Variants in CACNA2D3 observed in about 807,000 individuals in gnomAD.
CACNA2D3 encodes the protein voltage-dependent calcium channel subunit alpha-2/delta-3.
CACNA2D3 carries 60 observed loss-of-function variants against 160.6 expected under a neutral mutation model. That is an observed-to-expected ratio of 0.37 (90% CI 0.30 to 0.46). The LOEUF (loss-of-function observed/expected upper bound fraction) is 0.46. CACNA2D3 is among the 20% of genes least tolerant of loss of function. The probability of loss-of-function intolerance (pLI) is 1.00; values close to 1 mark genes in which losing one functional copy is unlikely to be tolerated. For synonymous variants in CACNA2D3, 558 were observed against 492.9 expected, an observed-to-expected ratio of 1.13 and a Z score of -1.75; for missense variants, 1,205 against 1,365.0, an observed-to-expected ratio of 0.88 and a Z score of 1.85.
intron 11 of CACNA2D3, among the ~76,000 whole-genome samples, chr3:54,668,392 C>T (rs896121023): frequency 6.6e-6 from 1 of 152,130 alleles, no homozygotes; most frequent in Non-Finnish European, 1.5e-5. Flanking sequence ...GATGATGGGT[C>T]TAATACTCTA....
intron 2 of CACNA2D3, among the ~76,000 whole-genome samples, chr3:54,262,079 A>C (rs1702411092): frequency 6.6e-6 from 1 of 152,132 alleles, no homozygotes; most frequent in Non-Finnish European, 1.5e-5. Context: ...CTCTCTAAGG[A>C]ATTCTTCCAT....
intron 4 of CACNA2D3, among the ~76,000 whole-genome samples, chr3:54,441,272 A>G (rs562993900): frequency 6.6e-5 from 10 of 152,284 alleles, no homozygotes; most frequent in East Asian, 5.8e-4. Flanking sequence ...TCTTTTGGCT[A>G]CATAAATGTC....
At chr3:54,289,073 A>T (rs1703113280) in intron 2 of CACNA2D3, among the ~76,000 whole-genome samples, 1 of 152,152 alleles carries the variant, frequency 6.6e-6, no homozygotes, top group South Asian at 2.1e-4. Context: ...TGGCCAGGAG[A>T]AGGAAATAAA....
chr3:54,928,322 A>G (rs1395874892), intron 27 of CACNA2D3, among the ~76,000 whole-genome samples: 2 of 152,170 alleles, frequency 1.3e-5, no homozygotes, highest in South Asian at 2.1e-4. Flanking sequence ...CTTGAAGTAC[A>G]GGGCACCAAA....
intron 5 of CACNA2D3, among the ~76,000 whole-genome samples, chr3:54,544,469 T>C (rs1350053731): frequency 2.6e-5 from 4 of 152,038 alleles, no homozygotes; most frequent in African/African-American, 9.7e-5. Flanking sequence ...AGTGGCATGA[T>C]CATAGCTCAC....
At chr3:54,831,962 C>T (rs1198994731) in intron 14 of CACNA2D3, among the ~76,000 whole-genome samples, 1 of 149,994 alleles carries the variant, frequency 6.7e-6, no homozygotes, top group Non-Finnish European at 1.5e-5. Context: ...ACCCTCCCGC[C>T]CTTTCCCTCT....
chr3:54,880,209 C>T (rs554781418), intron 20 of CACNA2D3, among the ~76,000 whole-genome samples: 30 of 152,256 alleles, frequency 2.0e-4, no homozygotes, highest in African/African-American at 6.5e-4. Flanking sequence ...GTCTCTCTAA[C>T]GTAAGGGACT....
At position 54,635,704 on chromosome 3, in the gene CACNA2D3, C is replaced by G. The variant is rs534279390; in HGVS notation, c.1054-6424C>G. ...TTGGTGAGGTGTGTTTTTAAAAGAC[C>G]TTCAGTCCATTCTACCTTTCTTGAA... On this transcript the variant is annotated intron_variant, in intron 10 of 37. Coordinates refer to ENST00000474759, the MANE Select transcript of CACNA2D3 (RefSeq NM_018398.3). 5.4e-3 allele frequency among the ~76,000 whole-genome samples: 815 copies of G among 151,846 alleles called. 17 individuals are homozygous for G. Among genetic ancestry groups the G allele is most frequent in the African/African-American group, 0.019 (768 of 41,256 alleles).
intron 27 of CACNA2D3, among the ~76,000 whole-genome samples, chr3:54,965,796 A>G (rs747874033): frequency 8.5e-5 from 13 of 152,170 alleles, no homozygotes; most frequent in Admixed American, 3.9e-4. Context: ...TAGCAGAACA[A>G]TTGCAGCCAG....
chr3:54,686,050 G>A (rs531376568), intron 11 of CACNA2D3, among the ~76,000 whole-genome samples: 5 of 152,320 alleles, frequency 3.3e-5, no homozygotes, highest in South Asian at 2.1e-4. Flanking sequence ...GAATTGTCTC[G>A]ATTCTCATAG....
At chr3:54,900,674 A>T (rs898896696) in intron 27 of CACNA2D3, among the ~76,000 whole-genome samples, 1 of 152,024 alleles carries the variant, frequency 6.6e-6, no homozygotes, top group African/African-American at 2.4e-5. Flanking sequence ...TACTAAAGAG[A>T]GCGATTTTTG....
intron 4 of CACNA2D3, among the ~76,000 whole-genome samples, chr3:54,494,413 T>C (rs1701170895): frequency 6.6e-6 from 1 of 152,214 alleles, no homozygotes; most frequent in African/African-American, 2.4e-5. Flanking sequence ...GCTTAGGCTT[T>C]CATCCCTATT....
intron 11 of CACNA2D3, among the ~76,000 whole-genome samples, chr3:54,750,983 G>T (rs1420559430): frequency 1.3e-5 from 2 of 151,980 alleles, no homozygotes; most frequent in Non-Finnish European, 2.9e-5. Context: ...TGTTGGCCAG[G>T]ATGGTCTCGA....
At chr3:54,347,720 G>A (rs941116612) in intron 3 of CACNA2D3, among the ~76,000 whole-genome samples, 2 of 151,332 alleles carry the variant, frequency 1.3e-5, no homozygotes, top group Non-Finnish European at 2.9e-5. Flanking sequence ...GGGTCCAATT[G>A]CCAGGGACCC....
At position 54,879,369 on chromosome 3, in the gene CACNA2D3, C is replaced by T; in HGVS notation, c.1802C>T (p.Thr601Ile). 2 of 1,603,146 alleles carry T rather than the reference C, an allele frequency of 1.2e-6. No individual in the cohort carries two copies. Among genetic ancestry groups the T allele is most frequent in the Middle Eastern group, 1.7e-4 (1 of 5,972 alleles). Residue 601 changes from threonine (T) to isoleucine (I), a missense_variant, in exon 20 of 38, where the codon ACA (threonine) becomes ATA (isoleucine). Physicochemically the swap from Thr to Ile is moderately conservative, Grantham distance 89. Around this residue, in one of 3 missense-constraint regions of CACNA2D3, gnomAD observed 911 missense variants for 1,002.2 expected, o/e 0.91. Coordinates refer to ENST00000474759, the MANE Select transcript of CACNA2D3 (RefSeq NM_018398.3). Reference sequence around the variant, plus strand: ...ATCTAGAAACGGGTTTTGGTGATGACAAATGACTACTATTATACAGACATC... The same window carrying T: ...ATCTAGAAACGGGTTTTGGTGATGATAAATGACTACTATTATACAGACATC... ...VDKGKRVLVM[T>I]NDYYYTDIKG...
At chr3:54,964,948 T>G (rs960400407) in intron 27 of CACNA2D3, among the ~76,000 whole-genome samples, 1 of 152,140 alleles carries the variant, frequency 6.6e-6, no homozygotes, top group Admixed American at 6.6e-5. Flanking sequence ...GCCCTTTCCC[T>G]AGCACTTCCT....
chr3:54,683,962 C>CTTTTTTT (rs61481695), intron 11 of CACNA2D3, among the ~76,000 whole-genome samples: 2 of 110,828 alleles, frequency 1.8e-5, no homozygotes, highest in African/African-American at 4.3e-5. Context: ...AAATTTCCAC[C>CTTTTTTT]TTTTTTTTTT....
chr3:55,019,647 G>A (rs994350447), intron 35 of CACNA2D3, among the ~76,000 whole-genome samples: 6 of 152,036 alleles, frequency 3.9e-5, no homozygotes, highest in African/African-American at 9.7e-5. Flanking sequence ...CTTTGAGATC[G>A]ACTTGTTTGT....
chr3:54,901,739 T>C (rs907365480), intron 27 of CACNA2D3, among the ~76,000 whole-genome samples: 1 of 152,200 alleles, frequency 6.6e-6, no homozygotes, highest in Non-Finnish European at 1.5e-5. Context: ...CTGTTACCCT[T>C]TTTCAAACTT....
Sources: allele counts gnomAD v4.1 joint callset (sites outside exome capture counted in the v4.1 genomes callset), GRCh38; gene constraint gnomAD v4.1.1; regional missense constraint gnomAD v4.1.1; transcripts MANE v1.5; gene names NCBI Gene and HGNC (gene_info 2026-07-23, HGNC 2026-07-21).